The following CRTAC1 variants were observed in gnomAD, a reference collection of about 807,000 sequenced individuals.
CRTAC1 encodes the protein cartilage acidic protein 1.
Under a neutral mutation model 67.8 loss-of-function variants are expected in CRTAC1, and 37 were observed. The observed-to-expected ratio is 0.55, with a 90% CI of 0.42 to 0.72. The LOEUF is 0.72. CRTAC1 is among the 30% of genes least tolerant of loss of function. The pLI is 0.00. For missense variants in CRTAC1, 780 were observed against 931.6 expected (o/e 0.84, Z 2.12); for synonymous variants, 348 against 371.0 (o/e 0.94, Z 0.71).
chr10:97,994,332 T>C (rs1842515672), intron 2 of CRTAC1, among the ~76,000 whole-genome samples: 1 of 152,184 alleles, frequency 6.6e-6, no homozygotes, highest in South Asian at 2.1e-4. Flanking sequence ...CCTTTGGGGC[T>C]AGGGATGGTT....
chr10:97,957,473 TG>T (rs1441244842), intron 2 of CRTAC1, among the ~76,000 whole-genome samples: 3 of 152,166 alleles, frequency 2.0e-5, no homozygotes, highest in Non-Finnish European at 2.9e-5. Flanking sequence ...CCTCATGCTC[TG>T]TAAGGCAAGA....
chr10:97,898,252 G>C (rs1214487676), intron 8 of CRTAC1, among the ~76,000 whole-genome samples: 2 of 152,222 alleles, frequency 1.3e-5, no homozygotes, highest in Non-Finnish European at 2.9e-5. Context: ...AGAAAGGATG[G>C]AGCTCAGAGT....
intron 11 of CRTAC1, among the ~76,000 whole-genome samples, chr10:97,888,137 T>G (rs1024789340): frequency 1.3e-5 from 2 of 152,164 alleles, no homozygotes; most frequent in African/African-American, 2.4e-5. Flanking sequence ...GCAGCCACCA[T>G]ATACCAAGCT....
chr10:97,960,663 G>C (rs938157717), intron 2 of CRTAC1, among the ~76,000 whole-genome samples: 2 of 152,234 alleles, frequency 1.3e-5, no homozygotes, highest in African/African-American at 4.8e-5. Flanking sequence ...ACCCTGGACA[G>C]AGCCTTTCTT....
intron 3 of CRTAC1, among the ~76,000 whole-genome samples, chr10:97,932,727 G>A (rs897799087): frequency 2.6e-5 from 4 of 152,146 alleles, no homozygotes; most frequent in Non-Finnish European, 5.9e-5. Flanking sequence ...AAGGCAACCC[G>A]GGTCACATAG....
At position 98,030,527 on chromosome 10, in the gene CRTAC1, GCCTCTGCCGC is replaced by G. The variant is rs556301436; in HGVS notation, c.-65_-56del. ...GCGTGGGAAGCGGGCGCTCGCTGCC[GCCTCTGCCGC>G]CGGCGCCGCCGCCTGCTTGCTCCCA... On this transcript the variant is annotated 5_prime_UTR_variant, in exon 1 of 15. Coordinates refer to ENST00000370597, the MANE Select transcript of CRTAC1 (RefSeq NM_018058.7). This position sits in a 1 kb window ranked among gnomAD's most constrained non-coding sequence, Gnocchi z 4.2. 424 of 1,199,854 alleles carry G rather than the reference GCCTCTGCCGC, an allele frequency of 3.5e-4. 5 individuals carry two copies. In the South Asian group the frequency reaches 0.014, roughly 39 times the overall value. 74.3% of individuals were successfully genotyped at this position (1,199,854 alleles called of 1,614,324 possible). A position where few individuals can be genotyped will look rare whatever the true frequency, so the allele number is the denominator to read the frequency against.
intron 2 of CRTAC1, among the ~76,000 whole-genome samples, chr10:97,953,654 G>T (rs2051395737): frequency 6.6e-6 from 1 of 152,148 alleles, no homozygotes; most frequent in Non-Finnish European, 1.5e-5. Flanking sequence ...ATCCAGTGGG[G>T]TCATTATTTA....
chr10:97,955,653 G>A (rs2051428072), intron 2 of CRTAC1, among the ~76,000 whole-genome samples: 1 of 152,164 alleles, frequency 6.6e-6, no homozygotes. Flanking sequence ...AAATAAAAAT[G>A]TTTATCCAGA....
At chr10:97,872,387 G>A (rs550968138) in intron 14 of CRTAC1, among the ~76,000 whole-genome samples, 17 of 152,262 alleles carry the variant, frequency 1.1e-4, no homozygotes, top group Non-Finnish European at 2.5e-4. Context: ...CCCTGAGCTG[G>A]GCAGCAGCTC....
At position 97,949,710 on chromosome 10, in the gene CRTAC1, G is replaced by A. The variant is rs569984454; in HGVS notation, c.225-13344C>T. On this transcript the variant is annotated intron_variant, in intron 2 of 14. Transcript: ENST00000370597. ...TCAGCCGGGCAGTCAGACCACCTGA[G>A]GGCAGATTTCTGCTCTGCAACTCTT... Among the ~76,000 whole-genome samples, 63 of 152,298 alleles carry A rather than the reference G, an allele frequency of 4.1e-4. 1 individual carries two copies. In the South Asian group the frequency reaches 0.012, roughly 30 times the overall value.
intron 1 of CRTAC1, among the ~76,000 whole-genome samples, chr10:98,023,182 GAA>G (rs1843156900): frequency 6.6e-6 from 1 of 152,172 alleles, no homozygotes; most frequent in Non-Finnish European, 1.5e-5. Context: ...AAGAGGAAGA[GAA>G]ACTCAGCCTT....
chr10:97,976,123 T>C (rs2051798670), intron 2 of CRTAC1, among the ~76,000 whole-genome samples: 1 of 152,168 alleles, frequency 6.6e-6, no homozygotes, highest in African/African-American at 2.4e-5. Context: ...CAGCGTACTC[T>C]CATCCAGACC....
chr10:97,922,970 T>G (rs1020675215), intron 4 of CRTAC1, among the ~76,000 whole-genome samples: 3 of 152,174 alleles, frequency 2.0e-5, no homozygotes, highest in African/African-American at 7.2e-5. Flanking sequence ...TCATCTGCTT[T>G]GGGCTCCCAT....
At chr10:97,873,010 T>C (rs1375859840) in intron 14 of CRTAC1, among the ~76,000 whole-genome samples, 2 of 152,206 alleles carry the variant, frequency 1.3e-5, no homozygotes. Context: ...ACAGATTTTA[T>C]GACAATATCT....
At chr10:97,897,279 C>A (rs970257250) in intron 8 of CRTAC1, among the ~76,000 whole-genome samples, 4 of 152,218 alleles carry the variant, frequency 2.6e-5, no homozygotes, top group African/African-American at 9.7e-5. Context: ...GGCAGGGACA[C>A]AACTACCTTC....
At chr10:97,876,979 G>A (rs1251483634) in intron 14 of CRTAC1, among the ~76,000 whole-genome samples, 2 of 144,020 alleles carry the variant, frequency 1.4e-5, no homozygotes, top group African/African-American at 2.6e-5. Context: ...TTTTGGTAAG[G>A]GGGTAGGTAA....
At chr10:98,014,539 G>A (rs1842961011) in intron 1 of CRTAC1, among the ~76,000 whole-genome samples, 1 of 152,138 alleles carries the variant, frequency 6.6e-6, no homozygotes, top group Non-Finnish European at 1.5e-5. Flanking sequence ...CACAGAATGG[G>A]AGAAAATATT....
At position 97,924,593 on chromosome 10, in the gene CRTAC1, C is replaced by T. The variant is rs114640394; in HGVS notation, c.422-1193G>A. Among the ~76,000 whole-genome samples, 331 of 152,268 alleles carry T rather than the reference C, an allele frequency of 2.2e-3. 1 individual carries two copies. Among genetic ancestry groups the T allele is most frequent in the African/African-American group, 7.8e-3 (324 of 41,562 alleles). On this transcript the variant is annotated intron_variant, in intron 3 of 14. Transcript: ENST00000370597. Reference sequence around the variant, plus strand: ...AGGCTCCAGACTCGAGGCATGCTGCCCAGCATCTCTGAGCCTCGGTTTTCC... The same window carrying T: ...AGGCTCCAGACTCGAGGCATGCTGCTCAGCATCTCTGAGCCTCGGTTTTCC...
chr10:97,885,195 T>G (rs1270843377), intron 11 of CRTAC1, among the ~76,000 whole-genome samples: 2 of 152,082 alleles, frequency 1.3e-5, no homozygotes, highest in Non-Finnish European at 2.9e-5. Context: ...TGCACTGAGC[T>G]CTACATAATA....
Sources: allele counts gnomAD v4.1 joint callset (sites outside exome capture counted in the v4.1 genomes callset), GRCh38; gene constraint gnomAD v4.1.1; non-coding constraint Gnocchi (gnomAD v3.1); transcripts MANE v1.5; gene names NCBI Gene and HGNC (gene_info 2026-07-23, HGNC 2026-07-21).